The following RIC1 variants were observed in gnomAD, a reference collection of about 807,000 sequenced individuals.
The protein encoded by RIC1 is RIC1 partner of RAB6A GEF complex.
RIC1 carries 88 observed loss-of-function variants against 169.0 expected under a neutral mutation model. The observed-to-expected ratio is 0.52, with a 90% CI of 0.44 to 0.62. The LOEUF (loss-of-function observed/expected upper bound fraction) is 0.62, where lower values mean the gene tolerates loss of function less well. RIC1 is among the 20% of genes least tolerant of loss of function. The pLI is 0.00. For missense variants in RIC1, 1,877 were observed against 1,725.5 expected (o/e 1.09, Z -1.56); for synonymous variants, 790 against 601.5 (o/e 1.31, Z -4.59).
chr9:5,656,522 T>C, intron 1 of RIC1, 61 bp from the exon 2 acceptor site: 1 of 712,162 alleles, frequency 1.4e-6, no homozygotes, highest in Non-Finnish European at 2.3e-6. Flanking sequence ...TAAATTTTAT[T>C]TGTGTATTTT....
At chr9:5,713,311 G>A (rs1449505153) in intron 3 of RIC1, 1 of 152,210 alleles carries the variant, frequency 6.6e-6, no homozygotes, top group Non-Finnish European at 1.5e-5. Flanking sequence ...CAGTTAAGTT[G>A]GCATTGACCC....
Position 5,629,349 on chromosome 9 carries a change from C to A in RIC1, c.40C>A (p.Pro14Thr). ...LSGWPKRLLCPLGSPAEAPFH... is the reference protein window; with the variant it reads ...LSGWPKRLLCTLGSPAEAPFH... ...CGGCTGGCCCAAGAGGCTGCTGTGC[C>A]CTCTGGGGAGCCCGGCCGAGGCGCC... Residue 14 changes from proline (P) to threonine (T), a missense_variant, in exon 1 of 26, where the codon CCT (proline) becomes ACT (threonine). Physicochemically the swap from Pro to Thr is conservative, Grantham distance 38. This residue lies in a region of RIC1 where 1,104 missense variants were observed against 992.0 expected (regional missense o/e 1.11). Transcript: ENST00000414202. The A allele has an allele frequency of 1.3e-6, 2 of 1,534,190 alleles. No individual in the cohort carries two copies. Among genetic ancestry groups the A allele is most frequent in the Non-Finnish European group, 1.7e-6 (2 of 1,146,168 alleles).
chr9:5,672,157 GT>G (rs1428996890), intron 2 of RIC1, among the ~76,000 whole-genome samples: 7 of 152,232 alleles, frequency 4.6e-5, no homozygotes, highest in African/African-American at 1.7e-4. Flanking sequence ...TCTGCAAACT[GT>G]CACTTTATCC....
At chr9:5,765,294 A>C in intron 19 of RIC1, 120 bp from the exon 20 acceptor site, 1 of 1,038,332 alleles carries the variant, frequency 9.6e-7, no homozygotes, top group Non-Finnish European at 1.4e-6. Flanking sequence ...CTTATTATTA[A>C]ACTAACCCCT....
intron 1 of RIC1, among the ~76,000 whole-genome samples, chr9:5,644,070 G>C (rs539221234): frequency 2.9e-4 from 40 of 135,782 alleles, no homozygotes; most frequent in South Asian, 2.6e-3. Flanking sequence ...ATTTGCTATG[G>C]TTTAAATTTT....
chr9:5,743,803 A>C, intron 10 of RIC1, 66 bp downstream of exon 10: 2 of 1,190,084 alleles, frequency 1.7e-6, no homozygotes, highest in South Asian at 1.3e-5. Context: ...CCCTTTTTTC[A>C]CTCATTTTTA....
At chr9:5,770,027 T>G in intron 22 of RIC1, 60 bp from the exon 23 acceptor site, 1 of 1,418,070 alleles carries the variant, frequency 7.1e-7, no homozygotes, top group South Asian at 1.4e-5. Flanking sequence ...GAATTGAAAA[T>G]GTCAGTGTGT....
chr9:5,726,490 G>A (rs76708024), intron 6 of RIC1, among the ~76,000 whole-genome samples: 1 of 152,138 alleles, frequency 6.6e-6, no homozygotes, highest in South Asian at 2.1e-4. Flanking sequence ...ACAATGATGG[G>A]TCTTGACACT....
chr9:5,726,005 G>T (rs1305920345), intron 6 of RIC1, among the ~76,000 whole-genome samples: 1 of 152,180 alleles, frequency 6.6e-6, no homozygotes, highest in Non-Finnish European at 1.5e-5. Flanking sequence ...AGTGTGATGT[G>T]GTGCTGAGAA....
chr9:5,642,768 TA>T (rs1459894395), intron 1 of RIC1, among the ~76,000 whole-genome samples: 1 of 151,272 alleles, frequency 6.6e-6, no homozygotes, highest in East Asian at 1.9e-4. Context: ...TATAGTTAAA[TA>T]TTTATTTGGA....
intron 6 of RIC1, among the ~76,000 whole-genome samples, chr9:5,729,283 AG>A (rs1159509295): frequency 6.6e-6 from 1 of 152,062 alleles, no homozygotes; most frequent in Admixed American, 6.6e-5. Context: ...TTTCCGTAGG[AG>A]TGGAGGTAGG....
At chr9:5,663,847 A>G (rs35831380) in intron 2 of RIC1, among the ~76,000 whole-genome samples, 2,337 of 152,304 alleles carry the variant, frequency 0.015, 29 homozygotes, top group Non-Finnish European at 0.024. Flanking sequence ...TGATCCTGTC[A>G]TCAAGATACT....
intron 6 of RIC1, among the ~76,000 whole-genome samples, chr9:5,727,709 A>G (rs1824086564): frequency 6.6e-6 from 1 of 152,110 alleles, no homozygotes; most frequent in African/African-American, 2.4e-5. Context: ...GCTGACATAC[A>G]TATGGGGTTT....
intron 1 of RIC1, among the ~76,000 whole-genome samples, chr9:5,652,959 T>G (rs1393080586): frequency 6.6e-6 from 1 of 152,198 alleles, no homozygotes; most frequent in African/African-American, 2.4e-5. Context: ...CCTGAAATGA[T>G]CATGGGGTTT....
chr9:5,644,794 A>G lies in RIC1; in HGVS notation c.145-11789A>G, dbSNP rs1200025524. ...TAGAGAGATACCTAGGAGTGCAACT[A>G]CTAAGTCATATGGCAAGTTTAACTT... On this transcript the variant is annotated intron_variant, in intron 1 of 25. Coordinates refer to ENST00000414202, the MANE Select transcript of RIC1 (RefSeq NM_020829.4). Among the ~76,000 whole-genome samples the G allele has an allele frequency of 2.0e-5, 3 of 152,328 alleles. No individual in the cohort carries two copies. In the East Asian group the frequency reaches 5.8e-4, roughly 29 times the overall value.
intron 7 of RIC1, among the ~76,000 whole-genome samples, chr9:5,734,610 A>G (rs1220291571): frequency 6.6e-6 from 1 of 151,948 alleles, no homozygotes; most frequent in African/African-American, 2.4e-5. Context: ...CATAGTTTTA[A>G]CGTTGTAGTA....
chr9:5,747,635 CT>C (rs1825460993), intron 12 of RIC1, 130 bp downstream of exon 12: 4 of 794,284 alleles, frequency 5.0e-6, no homozygotes, highest in Non-Finnish European at 8.2e-6. Flanking sequence ...TCATGTCCCT[CT>C]TCTGCTTTTC....
chr9:5,774,185 C>T lies in RIC1; in HGVS notation c.4211C>T (p.Thr1404Ile). Residue 1404 changes from threonine (T) to isoleucine (I), a missense_variant, in exon 26 of 26, where the codon ACA becomes ATA. Physicochemically the swap from Thr to Ile is moderately conservative, Grantham distance 89. Coordinates refer to ENST00000414202, the MANE Select transcript of RIC1 (RefSeq NM_020829.4). The part of the protein sequence containing the change: ...SNMVSRKEED[T>I]AQAEEEEPFQ... Reference sequence around the variant, plus strand: ...ATGGTCAGCCGGAAAGAGGAGGACACAGCCCAAGCAGAGGAGGAAGAACCT... The same window carrying T: ...ATGGTCAGCCGGAAAGAGGAGGACATAGCCCAAGCAGAGGAGGAAGAACCT... 6.2e-7 allele frequency: 1 copy of T among 1,613,976 alleles called. No individual in the cohort carries two copies. The highest frequency in any genetic ancestry group is 8.5e-7 in the Non-Finnish European group (1 of 1,179,924).
At chr9:5,689,797 T>C (rs1470794916) in intron 2 of RIC1, among the ~76,000 whole-genome samples, 162 bp from the exon 3 acceptor site, 1 of 152,212 alleles carries the variant, frequency 6.6e-6, no homozygotes, top group African/African-American at 2.4e-5. Context: ...ACATGGGTTA[T>C]ATTAAAAAGT....
Sources: allele counts gnomAD v4.1 joint callset (sites outside exome capture counted in the v4.1 genomes callset), GRCh38; gene constraint gnomAD v4.1.1; regional missense constraint gnomAD v4.1.1; transcripts MANE v1.5; gene names NCBI Gene and HGNC (gene_info 2026-07-23, HGNC 2026-07-21).